The following RPS6KC1 variants were observed in gnomAD, a reference collection of about 807,000 sequenced individuals.
RPS6KC1 encodes inactive ribosomal protein S6 kinase delta-1.
RPS6KC1 carries 54 observed loss-of-function variants against 103.8 expected under a neutral mutation model. The ratio of observed to expected loss-of-function variants is 0.52; its 90% CI spans 0.42 to 0.65. The LOEUF (loss-of-function observed/expected upper bound fraction) is 0.65, where lower values mean the gene tolerates loss of function less well. Ranked by LOEUF, RPS6KC1 falls within the 30% of genes least tolerant of loss-of-function variation. The probability of loss-of-function intolerance (pLI) is 0.00; values close to 1 mark genes in which losing one functional copy is unlikely to be tolerated. For synonymous variants in RPS6KC1, 439 were observed against 438.7 expected (o/e 1.00, Z -0.01); for missense variants, 1,151 against 1,253.8 (o/e 0.92, Z 1.24).
chr1:213,529,405 G>A, the RPS6KC1 span, among the ~76,000 whole-genome samples: 6 of 152,070 alleles, frequency 3.9e-5, no homozygotes, highest in African/African-American at 1.4e-4. Flanking sequence ...TGAGATGGAG[G>A]AGCCAGACCA....
At chr1:213,836,948 A>T in the RPS6KC1 span, among the ~76,000 whole-genome samples, 16,923 of 152,240 alleles carry the variant, frequency 0.11, 1,966 homozygotes, top group African/African-American at 0.29. Context: ...AAGTTCAGGA[A>T]GCACTTCATT....
chr1:213,371,366 T>C, the RPS6KC1 span, among the ~76,000 whole-genome samples: 1 of 152,254 alleles, frequency 6.6e-6, no homozygotes, highest in Admixed American at 6.5e-5. Context: ...ATGGGACTTT[T>C]TGGCAGCTTC....
At chr1:213,082,148 C>A (rs920431472) in intron 3 of RPS6KC1, among the ~76,000 whole-genome samples, 24 of 151,922 alleles carry the variant, frequency 1.6e-4, no homozygotes, top group Admixed American at 1.6e-3. Flanking sequence ...GGGCCCGGCA[C>A]GGTGGCTCAT....
the RPS6KC1 span, among the ~76,000 whole-genome samples, chr1:213,501,033 A>G: frequency 5.1e-4 from 77 of 152,308 alleles, no homozygotes; most frequent in African/African-American, 1.5e-3. Context: ...AATAATCAAT[A>G]TTTAAAGATA....
At chr1:213,628,400 G>GT in the RPS6KC1 span, among the ~76,000 whole-genome samples, 1 of 151,944 alleles carries the variant, frequency 6.6e-6, no homozygotes, top group Non-Finnish European at 1.5e-5. Flanking sequence ...TTTTTGAAGG[G>GT]TTTTTTGTGT....
At chr1:213,197,588 G>A (rs2093000834) in intron 8 of RPS6KC1, among the ~76,000 whole-genome samples, 1 of 152,078 alleles carries the variant, frequency 6.6e-6, no homozygotes, top group South Asian at 2.1e-4. Flanking sequence ...AAGGTGTTGT[G>A]TTCTTGATTT....
At chr1:213,851,120 C>T in the RPS6KC1 span, among the ~76,000 whole-genome samples, 1 of 152,136 alleles carries the variant, frequency 6.6e-6, no homozygotes, top group South Asian at 2.1e-4. Context: ...AAACTTGCCT[C>T]CTACTTCACT....
the RPS6KC1 span, among the ~76,000 whole-genome samples, chr1:213,433,797 G>A: frequency 5.3e-5 from 8 of 152,114 alleles, no homozygotes; most frequent in Non-Finnish European, 1.0e-4. Flanking sequence ...AAAAATTATT[G>A]TTTGGTTACT....
chr1:213,195,550 G>T (rs1044665265), intron 8 of RPS6KC1, among the ~76,000 whole-genome samples: 1 of 152,124 alleles, frequency 6.6e-6, no homozygotes, highest in Admixed American at 6.5e-5. Context: ...AGATTTTGGT[G>T]CATCTATCAC....
At chr1:213,590,450 G>A in the RPS6KC1 span, among the ~76,000 whole-genome samples, 2 of 152,284 alleles carry the variant, frequency 1.3e-5, no homozygotes, top group South Asian at 4.1e-4. Context: ...TCTCAAAATG[G>A]AGAGATTTTT....
chr1:213,358,604 G>GT, the RPS6KC1 span, among the ~76,000 whole-genome samples: 3 of 152,132 alleles, frequency 2.0e-5, no homozygotes, highest in Admixed American at 6.5e-5. Flanking sequence ...TCACTGATGT[G>GT]TTGAAGGGTT....
chr1:213,730,727 G>T, the RPS6KC1 span, among the ~76,000 whole-genome samples: 1 of 152,152 alleles, frequency 6.6e-6, no homozygotes. Flanking sequence ...TAGGTTGTCT[G>T]TTTATTCTGT....
rs781341505 is a variant in RPS6KC1, at chr1:213,129,905, T to C, written c.835+16T>C. ...GGTGTTCAAGGTATGGTTTTATGTA[T>C]ATTATGTTTTGGCATGCTCTTTTGT... On this transcript the variant is annotated intron_variant, in intron 6 of 14. Coordinates refer to ENST00000366960, the MANE Select transcript of RPS6KC1 (RefSeq NM_012424.6). 2.6e-6 allele frequency: 4 copies of C among 1,561,230 alleles called. No homozygotes were observed. The highest frequency in any genetic ancestry group is 3.4e-6 in the Non-Finnish European group (4 of 1,163,530).
the RPS6KC1 span, among the ~76,000 whole-genome samples, chr1:213,772,430 G>A: frequency 1.3e-5 from 2 of 152,224 alleles, no homozygotes; most frequent in African/African-American, 2.4e-5. Context: ...GAAAGATAAT[G>A]TGTCATTTGC....
intron 8 of RPS6KC1, among the ~76,000 whole-genome samples, chr1:213,207,151 A>G (rs1477992670): frequency 2.0e-5 from 3 of 152,160 alleles, no homozygotes; most frequent in African/African-American, 7.2e-5. Context: ...TGCCACCCCA[A>G]AATACACTGC....
the RPS6KC1 span, among the ~76,000 whole-genome samples, chr1:213,545,872 C>G: frequency 6.6e-6 from 1 of 152,148 alleles, no homozygotes; most frequent in Non-Finnish European, 1.5e-5. Flanking sequence ...TGTGTGTTCC[C>G]GGACAGCTCT....
At chr1:213,541,615 T>A in the RPS6KC1 span, among the ~76,000 whole-genome samples, 1 of 152,126 alleles carries the variant, frequency 6.6e-6, no homozygotes, top group African/African-American at 2.4e-5. Flanking sequence ...TTGAGGAAGC[T>A]TACGTTTAAT....
At chr1:213,688,562 G>T in the RPS6KC1 span, among the ~76,000 whole-genome samples, 1 of 152,128 alleles carries the variant, frequency 6.6e-6, no homozygotes. Flanking sequence ...TAGAAAATTG[G>T]CAAGTTGCTA....
At chr1:213,357,651 C>T in the RPS6KC1 span, among the ~76,000 whole-genome samples, 2 of 152,186 alleles carry the variant, frequency 1.3e-5, no homozygotes, top group Non-Finnish European at 2.9e-5. Flanking sequence ...ACTAGGGCCA[C>T]CCCTGGTCTG....
Sources: gnomAD v4.1 joint callset for allele counts (sites outside exome capture counted in the v4.1 genomes callset) on GRCh38, gnomAD v4.1.1 for gene constraint, MANE v1.5 for transcripts, NCBI Gene and HGNC (gene_info 2026-07-23, HGNC 2026-07-21) for gene names.